LRRC42: variants seen among roughly 807,000 people sequenced by gnomAD.
LRRC42 encodes leucine-rich repeat-containing protein 42.
In LRRC42, 43 loss-of-function variants were observed where a neutral mutation model predicts 44.3. The ratio of observed to expected loss-of-function variants is 0.97; its 90% CI spans 0.76 to 1.25. The LOEUF (loss-of-function observed/expected upper bound fraction) is 1.25. Among genes scored for constraint, LRRC42 ranks in the 50% most tolerant of loss-of-function variants. The pLI is 0.00. For synonymous variants in LRRC42, 207 were observed against 195.2 expected, an observed-to-expected ratio of 1.06 and a Z score of -0.50; for missense variants, 540 against 509.1, an observed-to-expected ratio of 1.06 and a Z score of -0.58.
intron 4 of LRRC42, among the ~76,000 whole-genome samples, chr1:53,958,524 A>C (rs1321433507): frequency 6.6e-6 from 1 of 152,178 alleles, no homozygotes; most frequent in Non-Finnish European, 1.5e-5. Flanking sequence ...CTTTTATTTT[A>C]ATATGTAATA....
chr1:53,962,434 G>T, intron 7 of LRRC42, 25 bp downstream of exon 7: 1 of 1,375,858 alleles, frequency 7.3e-7, no homozygotes, highest in Non-Finnish European at 1.0e-6. Context: ...TCTTCCTTGC[G>T]GTTGATGCAG....
At chr1:53,962,182 T>G in intron 6 of LRRC42, 60 bp downstream of exon 6, 1 of 1,497,698 alleles carries the variant, frequency 6.7e-7, no homozygotes, top group Non-Finnish European at 9.3e-7. Flanking sequence ...ATTTTGCCTG[T>G]GCTAATTGGT....
intron 5 of LRRC42, among the ~76,000 whole-genome samples, chr1:53,960,871 A>G (rs1356746837): frequency 6.6e-6 from 1 of 152,168 alleles, no homozygotes; most frequent in Non-Finnish European, 1.5e-5. Context: ...ATGAACGGAT[A>G]ATTTACTCAG....
intron 3 of LRRC42, 72 bp downstream of exon 3, chr1:53,952,544 G>A: frequency 8.0e-7 from 1 of 1,248,732 alleles, no homozygotes; most frequent in South Asian, 1.5e-5. Context: ...GGGCTTAGTG[G>A]GCTCAGGGGC....
At chr1:53,960,114 G>A (rs1191627782) in intron 4 of LRRC42, among the ~76,000 whole-genome samples, 2 of 151,854 alleles carry the variant, frequency 1.3e-5, no homozygotes, top group African/African-American at 2.4e-5. Flanking sequence ...GCAGGGATGG[G>A]GTCTCTAACT....
At chr1:53,962,480 A>G (rs1655024201) in intron 7 of LRRC42, 71 bp downstream of exon 7, 2 of 946,568 alleles carry the variant, frequency 2.1e-6, no homozygotes, top group Admixed American at 1.9e-5. Flanking sequence ...TATCCAACAC[A>G]TTGAATAAAC....
At chr1:53,951,785 T>C (rs2100917964) in intron 2 of LRRC42, among the ~76,000 whole-genome samples, 1 of 150,852 alleles carries the variant, frequency 6.6e-6, no homozygotes. Context: ...AAGGGAAGAG[T>C]AGGAAGGGGC....
intron 2 of LRRC42, among the ~76,000 whole-genome samples, chr1:53,950,810 G>C (rs1294827731): frequency 6.6e-6 from 1 of 152,180 alleles, no homozygotes; most frequent in African/African-American, 2.4e-5. Context: ...ATGCCCAACT[G>C]TTTGACTTTT....
At chr1:53,947,594 C>T (rs554937409) in intron 1 of LRRC42, among the ~76,000 whole-genome samples, 194 bp from the exon 2 acceptor site, 6 of 152,182 alleles carry the variant, frequency 3.9e-5, no homozygotes, top group African/African-American at 1.4e-4. Context: ...TGTCTGCAGC[C>T]TTGGGATGAA....
intron 8 of LRRC42, 104 bp from the exon 9 acceptor site, chr1:53,967,561 C>T: frequency 9.2e-7 from 1 of 1,092,486 alleles, no homozygotes; most frequent in East Asian, 2.4e-5. Flanking sequence ...ATGCAGATAT[C>T]ACCCTGTTTG....
At chr1:53,955,414 A>AG (rs1170065842) in intron 3 of LRRC42, among the ~76,000 whole-genome samples, 1 of 151,922 alleles carries the variant, frequency 6.6e-6, no homozygotes, top group South Asian at 2.1e-4. Flanking sequence ...CTCCCACCTC[A>AG]GCCTCCCGAG....
At chr1:53,962,454 T>C in intron 7 of LRRC42, 45 bp downstream of exon 7, 1 of 1,192,626 alleles carries the variant, frequency 8.4e-7, no homozygotes, top group South Asian at 1.2e-5. Context: ...GCTTTTCATC[T>C]TAATTCCAAG....
Position 53,960,494 on chromosome 1 carries a change from A to G in LRRC42, c.724+20A>G, listed in dbSNP as rs768668987. 5 of 1,500,714 alleles carry G rather than the reference A, an allele frequency of 3.3e-6. No homozygotes were observed. Among genetic ancestry groups the G allele is most frequent in the East Asian group, 2.3e-5 (1 of 44,304 alleles). 93.0% of individuals were successfully genotyped at this position (1,500,714 alleles called of 1,614,324 possible). ...TATCATGTAAGTTTTCTTCGAAATT[A>G]TAGATTATTTTAATGTTGGAAGAAT... On this transcript the variant is annotated intron_variant, in intron 5 of 8. Coordinates refer to ENST00000371370, the MANE Select transcript of LRRC42 (RefSeq NM_001256409.2).
intron 3 of LRRC42, among the ~76,000 whole-genome samples, chr1:53,957,747 G>A (rs931913040): frequency 2.0e-5 from 3 of 152,172 alleles, no homozygotes; most frequent in Admixed American, 2.0e-4. Context: ...ATCACTGGAT[G>A]TTGAGCATTA....
At chr1:53,964,765 C>T (rs973011318) in intron 7 of LRRC42, among the ~76,000 whole-genome samples, 1 of 152,102 alleles carries the variant, frequency 6.6e-6, no homozygotes, top group Admixed American at 6.5e-5. Flanking sequence ...ATCATTGATC[C>T]TTACAGATGA....
chr1:53,956,340 A>G (rs1654835713), intron 3 of LRRC42, among the ~76,000 whole-genome samples: 1 of 152,214 alleles, frequency 6.6e-6, no homozygotes, highest in African/African-American at 2.4e-5. Context: ...GGAGGCAAGT[A>G]TGTTTTCCTT....
chr1:53,963,288 A>C (rs1350604158), intron 7 of LRRC42, among the ~76,000 whole-genome samples: 1 of 152,236 alleles, frequency 6.6e-6, no homozygotes, highest in Non-Finnish European at 1.5e-5. Flanking sequence ...AATAATTATC[A>C]TGGTGCATTG....
At position 53,960,360 on chromosome 1, in the gene LRRC42, A is replaced by G; in HGVS notation, c.610A>G (p.Thr204Ala). 1.2e-6 allele frequency: 2 copies of G among 1,610,258 alleles called. No individual in the cohort carries two copies. Among genetic ancestry groups the G allele is most frequent in the Non-Finnish European group, 1.7e-6 (2 of 1,178,232 alleles). Residue 204 changes from threonine to alanine, a missense_variant, in exon 5 of 9, where the codon ACT (threonine) becomes GCT (alanine). Physicochemically the swap from Thr to Ala is moderately conservative, Grantham distance 58. Coordinates refer to ENST00000371370, the MANE Select transcript of LRRC42 (RefSeq NM_001256409.2). The part of the protein sequence containing the change: ...HLTNEALSSV[T>A]QLHLKDNCLS... The stretch of plus-strand genomic sequence containing the variant: ...GTATGTACTTTGTTTCCCTAGTGTA[A>G]CTCAGCTCCACCTGAAGGATAATTG...
chr1:53,952,339 A>G lies in LRRC42; in HGVS notation c.340A>G (p.Ile114Val), dbSNP rs1417161427. The G allele has an allele frequency of 1.2e-6, 2 of 1,614,170 alleles. No individual in the cohort carries two copies. Among genetic ancestry groups the G allele is most frequent in the Non-Finnish European group, 1.7e-6 (2 of 1,179,998 alleles). The part of the protein sequence containing the change: ...IDSLIGFPEQ[I>V]AEKLFSAAEA... ...TTCCCTTATTGGCTTTCCTGAGCAG[A>G]TTGCTGAAAAGCTGTTCTCTGCTGC... Residue 114 changes from isoleucine to valine, a missense_variant, in exon 3 of 9, where the codon ATT (isoleucine) becomes GTT (valine). Ile to Val is a conservative substitution (Grantham distance 29, BLOSUM62 3). Coordinates refer to ENST00000371370, the MANE Select transcript of LRRC42 (RefSeq NM_001256409.2).
Sources: allele counts gnomAD v4.1 joint callset (sites outside exome capture counted in the v4.1 genomes callset), GRCh38; gene constraint gnomAD v4.1.1; transcripts MANE v1.5; gene names NCBI Gene and HGNC (gene_info 2026-07-23, HGNC 2026-07-21).